LRP1B: variants seen among roughly 807,000 people sequenced by gnomAD.
LRP1B encodes LDL receptor related protein 1B.
Under a neutral mutation model 556.6 loss-of-function variants are expected in LRP1B, and 217 were observed. The observed-to-expected ratio is 0.39, with a 90% confidence interval of 0.35 to 0.44. The LOEUF is 0.44. LRP1B is among the 20% of genes least tolerant of loss of function. The pLI is 1.00. For missense variants in LRP1B, 5,053 were observed against 5,620.8 expected (o/e 0.90, Z 3.23); for synonymous variants, 2,047 against 1,865.8 (o/e 1.10, Z -2.50).
chr2:142,075,740 TC>T (rs1203533071), intron 1 of LRP1B, among the ~76,000 whole-genome samples: 1 of 152,086 alleles, frequency 6.6e-6, no homozygotes, highest in African/African-American at 2.4e-5. Context: ...TATTCCTCTC[TC>T]CCTGATAACT....
chr2:140,758,856 A>G (rs1320148225), intron 35 of LRP1B, among the ~76,000 whole-genome samples: 1 of 152,110 alleles, frequency 6.6e-6, no homozygotes, highest in Non-Finnish European at 1.5e-5. Flanking sequence ...TAGCTCTTTT[A>G]TTCTCTATTA....
intron 27 of LRP1B, among the ~76,000 whole-genome samples, chr2:140,854,131 GAA>G (rs558227214): frequency 6.7e-6 from 1 of 149,980 alleles, no homozygotes; most frequent in Non-Finnish European, 1.5e-5. Context: ...AGACAAGAAG[GAA>G]AAAAAAGTTT....
intron 84 of LRP1B, among the ~76,000 whole-genome samples, chr2:140,285,012 C>G (rs926380472): frequency 9.9e-4 from 139 of 140,904 alleles, no homozygotes; most frequent in South Asian, 2.6e-3. Context: ...AGATATCTCT[C>G]TGTGTGTGTG....
intron 18 of LRP1B, among the ~76,000 whole-genome samples, chr2:140,975,500 T>C (rs943452832): frequency 4.6e-5 from 7 of 152,244 alleles, no homozygotes; most frequent in Non-Finnish European, 8.8e-5. Flanking sequence ...AAGCAGGACA[T>C]AGTTTCCCCC....
intron 68 of LRP1B, among the ~76,000 whole-genome samples, chr2:140,377,059 A>G (rs1319856948): frequency 1.3e-5 from 2 of 152,030 alleles, no homozygotes; most frequent in Non-Finnish European, 2.9e-5. Flanking sequence ...GAGCCATGGT[A>G]TACACTGAGG....
At chr2:140,586,200 A>G (rs1681978555) in intron 43 of LRP1B, among the ~76,000 whole-genome samples, 1 of 152,202 alleles carries the variant, frequency 6.6e-6, no homozygotes, top group Non-Finnish European at 1.5e-5. Flanking sequence ...AAGTAGAGAG[A>G]AAAAGCAACC....
intron 27 of LRP1B, among the ~76,000 whole-genome samples, chr2:140,854,510 A>T (rs1692556969): frequency 6.6e-6 from 1 of 152,170 alleles, no homozygotes; most frequent in South Asian, 2.1e-4. Context: ...TATTATTTCA[A>T]AGTTTCTTTC....
chr2:140,448,830 TG>T (rs1411238233), intron 63 of LRP1B, among the ~76,000 whole-genome samples: 3 of 152,122 alleles, frequency 2.0e-5, no homozygotes, highest in African/African-American at 7.2e-5. Flanking sequence ...CATTCCACAA[TG>T]TATACATATA....
chr2:140,664,684 T>G (rs941588178), intron 41 of LRP1B, among the ~76,000 whole-genome samples: 26 of 152,032 alleles, frequency 1.7e-4, no homozygotes, highest in African/African-American at 6.0e-4. Flanking sequence ...GAATCCATAG[T>G]TTGTCCAATA....
At chr2:141,539,338 A>AT (rs1368345987) in intron 2 of LRP1B, among the ~76,000 whole-genome samples, 1 of 152,200 alleles carries the variant, frequency 6.6e-6, no homozygotes, top group East Asian at 1.9e-4. Context: ...AAAAACAGGC[A>AT]TTTTTCTAAG....
In LRP1B at chr2:140,756,400, G is replaced by T. The variant is rs1385473618; in HGVS notation, c.5758+12813C>A. Among the ~76,000 whole-genome samples, 5 of 151,908 alleles carry T rather than the reference G, an allele frequency of 3.3e-5. No homozygotes were observed. The East Asian group carries it at 7.7e-4, about 23-fold the overall frequency. ...AAAAGTCTTGAAAAATGAGAACAAA[G>T]TTGAAAGCCTCACACTTCCAATGTT... On this transcript the variant is annotated intron_variant, in intron 35 of 90. Coordinates refer to ENST00000389484, the MANE Select transcript of LRP1B (RefSeq NM_018557.3).
intron 18 of LRP1B, among the ~76,000 whole-genome samples, chr2:140,958,659 T>C (rs1324718860): frequency 6.6e-6 from 1 of 151,634 alleles, no homozygotes; most frequent in Non-Finnish European, 1.5e-5. Context: ...TAAGGAGACA[T>C]GACTTTAGAT....
chr2:140,889,515 T>C (rs1262957979), intron 23 of LRP1B, among the ~76,000 whole-genome samples: 1 of 152,108 alleles, frequency 6.6e-6, no homozygotes, highest in East Asian at 1.9e-4. Flanking sequence ...AGGATGGTCT[T>C]GAACTCCTGC....
At chr2:140,970,849 T>A (rs565820970) in intron 18 of LRP1B, among the ~76,000 whole-genome samples, 1 of 149,786 alleles carries the variant, frequency 6.7e-6, no homozygotes, top group South Asian at 2.2e-4. Context: ...CAGGTGATCC[T>A]CCCATCTCAC....
chr2:140,671,242 C>G (rs912506875), intron 41 of LRP1B, among the ~76,000 whole-genome samples: 7 of 152,160 alleles, frequency 4.6e-5, no homozygotes, highest in African/African-American at 1.4e-4. Context: ...TTTTCTTGGC[C>G]GGGCGCGGTG....
At chr2:140,357,550 A>G (rs1370034847) in intron 74 of LRP1B, among the ~76,000 whole-genome samples, 1 of 142,766 alleles carries the variant, frequency 7.0e-6, no homozygotes, top group African/African-American at 2.5e-5. Context: ...CACTGTAACT[A>G]AAAAAAAAAA....
intron 2 of LRP1B, among the ~76,000 whole-genome samples, chr2:141,506,008 C>T (rs888105258): frequency 6.6e-6 from 1 of 152,000 alleles, no homozygotes; most frequent in Non-Finnish European, 1.5e-5. Context: ...TGCCTCGTAA[C>T]CCAGCTGTTG....
chr2:140,742,412 A>G (rs1688172548), intron 35 of LRP1B, among the ~76,000 whole-genome samples: 1 of 152,174 alleles, frequency 6.6e-6, no homozygotes, highest in East Asian at 1.9e-4. Flanking sequence ...CTAGCATTGC[A>G]TTTAAAAAAT....
intron 35 of LRP1B, among the ~76,000 whole-genome samples, chr2:140,760,203 T>G (rs560401806): frequency 3.9e-5 from 6 of 152,234 alleles, no homozygotes; most frequent in African/African-American, 1.4e-4. Flanking sequence ...GGGGAACACA[T>G]CAGAATCACC....
Sources: gnomAD v4.1 joint callset for allele counts (sites outside exome capture counted in the v4.1 genomes callset) on GRCh38, gnomAD v4.1.1 for gene constraint, MANE v1.5 for transcripts, NCBI Gene and HGNC (gene_info 2026-07-23, HGNC 2026-07-21) for gene names.